The following RAVER2 variants were observed in gnomAD, a reference collection of about 807,000 sequenced individuals.
RAVER2 encodes ribonucleoprotein, PTB binding 2, also known as ribonucleoprotein PTB-binding 2.
RAVER2 carries 46 observed loss-of-function variants against 78.1 expected under a neutral mutation model. The observed-to-expected ratio is 0.59, with a 90% CI of 0.46 to 0.75. RAVER2 has a LOEUF of 0.75. Among genes scored for constraint, RAVER2 ranks in the 30% least tolerant of loss-of-function variants. RAVER2 has a pLI of 0.00. For missense variants in RAVER2, 793 were observed against 837.5 expected, an observed-to-expected ratio of 0.95 and a Z score of 0.66; for synonymous variants, 311 against 313.3, an observed-to-expected ratio of 0.99 and a Z score of 0.08.
At chr1:64,779,271 A>C (rs1252079796) in intron 3 of RAVER2, among the ~76,000 whole-genome samples, 1 of 152,078 alleles carries the variant, frequency 6.6e-6, no homozygotes, top group African/African-American at 2.4e-5. Context: ...TTTTGACCAT[A>C]TCTCCACAAG....
At chr1:64,773,374 C>T (rs1652373774) in intron 2 of RAVER2, among the ~76,000 whole-genome samples, 2 of 152,030 alleles carry the variant, frequency 1.3e-5, no homozygotes, top group African/African-American at 4.8e-5. Flanking sequence ...GTGATGTTCC[C>T]CTCCCTGTGT....
chr1:64,807,388 T>C, exon 9 of RAVER2: 1 of 1,614,122 alleles, frequency 6.2e-7, no homozygotes, highest in East Asian at 2.2e-5. Context: ...TCTTCAGAGC[T>C]TTCCAAACCT....
At chr1:64,753,967 A>G (rs1446060860) in intron 1 of RAVER2, among the ~76,000 whole-genome samples, 1 of 152,162 alleles carries the variant, frequency 6.6e-6, no homozygotes, top group Non-Finnish European at 1.5e-5. Context: ...TGGTACCCAA[A>G]ATTGAGTATG....
intron 6 of RAVER2, 150 bp downstream of exon 6, chr1:64,803,211 C>A: frequency 1.8e-6 from 1 of 554,132 alleles, no homozygotes; most frequent in Non-Finnish European, 3.1e-6. Context: ...AAAATCATAA[C>A]TTATTGAGTA....
At chr1:64,761,063 G>A (rs1450262358) in intron 1 of RAVER2, among the ~76,000 whole-genome samples, 1 of 152,110 alleles carries the variant, frequency 6.6e-6, no homozygotes. Flanking sequence ...TCTTAAGGTT[G>A]TTAGGATTAA....
At chr1:64,816,883 C>T (rs1004120274) in intron 11 of RAVER2, among the ~76,000 whole-genome samples, 14 of 152,170 alleles carry the variant, frequency 9.2e-5, no homozygotes, top group African/African-American at 3.1e-4. Flanking sequence ...CCAATGGCAA[C>T]AAAAGCCAAA....
intron 1 of RAVER2, among the ~76,000 whole-genome samples, chr1:64,757,576 AT>A (rs1437272865): frequency 6.6e-6 from 1 of 152,138 alleles, no homozygotes; most frequent in Non-Finnish European, 1.5e-5. Context: ...GAGGAAATAA[AT>A]TTCTGTTGTT....
In RAVER2 at chr1:64,798,100, C is replaced by T. The variant is rs1221667265; in HGVS notation, c.1106-4876C>T. 3.3e-5 allele frequency among the ~76,000 whole-genome samples: 4 copies of T among 120,626 alleles called. No homozygotes were observed. The East Asian group carries it at 1.0e-3, about 32-fold the overall frequency. The allele number at this position is 120,626 out of a possible 152,430, so 79.1% of individuals were successfully genotyped here. A position where few individuals can be genotyped will look rare whatever the true frequency, so the allele number is the denominator to read the frequency against. On this transcript the variant is annotated intron_variant, in intron 5 of 11. Coordinates refer to ENST00000294428, the Ensembl canonical transcript of RAVER2. Reference sequence around the variant, plus strand: ...CCCCCCACCCCACCACAGTCCCCAGCGTGTGATATTCCCCTTCCTGTGTCC... The same window carrying T: ...CCCCCCACCCCACCACAGTCCCCAGTGTGTGATATTCCCCTTCCTGTGTCC...
At position 64,786,313 on chromosome 1, in the gene RAVER2, A is replaced by G. The variant is rs1032859894; in HGVS notation, c.979-3075A>G. Reference sequence around the variant, plus strand: ...GGAAGACTGTGAACCCTTTCATTCTATGCTCTTCAATTGTTCTTTAATAAT... The same window carrying G: ...GGAAGACTGTGAACCCTTTCATTCTGTGCTCTTCAATTGTTCTTTAATAAT... On this transcript the variant is annotated intron_variant, in intron 4 of 11. Transcript: ENST00000294428. Among the ~76,000 whole-genome samples the G allele has an allele frequency of 2.6e-5, 4 of 152,188 alleles. No individual in the cohort carries two copies. The East Asian group carries it at 5.8e-4, about 22-fold the overall frequency.
At chr1:64,805,098 A>G in exon 8 of RAVER2, 1 of 1,613,090 alleles carries the variant, frequency 6.2e-7, no homozygotes, top group Non-Finnish European at 8.5e-7. Flanking sequence ...ATGGAGAAGC[A>G]CATAAAAGTA....
intron 1 of RAVER2, among the ~76,000 whole-genome samples, chr1:64,746,709 T>A (rs77867130): frequency 0.021 from 3,130 of 152,278 alleles, 112 homozygotes; most frequent in African/African-American, 0.072. Flanking sequence ...CTCTTTCCAT[T>A]CCGCCATGGT....
intron 5 of RAVER2, among the ~76,000 whole-genome samples, chr1:64,796,686 T>C (rs541837267): frequency 6.6e-6 from 1 of 152,226 alleles, no homozygotes; most frequent in South Asian, 2.1e-4. Flanking sequence ...TTATCAGTAT[T>C]ATTGATTTTT....
intron 11 of RAVER2, among the ~76,000 whole-genome samples, chr1:64,818,312 G>A (rs530024930): frequency 5.2e-4 from 79 of 152,202 alleles, no homozygotes; most frequent in African/African-American, 1.8e-3. Flanking sequence ...AAAGATGGGC[G>A]GATCACAAGG....
At chr1:64,786,255 A>T (rs1652777025) in intron 4 of RAVER2, among the ~76,000 whole-genome samples, 1 of 152,118 alleles carries the variant, frequency 6.6e-6, no homozygotes, top group African/African-American at 2.4e-5. Flanking sequence ...CACAAATGTG[A>T]CTAGGTGTGT....
intron 2 of RAVER2, among the ~76,000 whole-genome samples, chr1:64,773,220 G>A (rs918940618): frequency 2.0e-5 from 3 of 152,006 alleles, no homozygotes; most frequent in African/African-American, 7.2e-5. Flanking sequence ...AAAGTTCTGG[G>A]GTAAATGTGC....
At chr1:64,784,247 G>A (rs972116398) in intron 4 of RAVER2, among the ~76,000 whole-genome samples, 1 of 152,092 alleles carries the variant, frequency 6.6e-6, no homozygotes, top group Non-Finnish European at 1.5e-5. Flanking sequence ...TTAGTCGTGT[G>A]CACCTGTTAG....
At chr1:64,821,439 G>A (rs948649495) in intron 11 of RAVER2, among the ~76,000 whole-genome samples, 1 of 152,138 alleles carries the variant, frequency 6.6e-6, no homozygotes, top group Non-Finnish European at 1.5e-5. Context: ...GCAATTGCTT[G>A]TGGTGTCTTG....
At chr1:64,769,513 G>A (rs1360846154) in intron 2 of RAVER2, among the ~76,000 whole-genome samples, 1 of 151,984 alleles carries the variant, frequency 6.6e-6, no homozygotes, top group Admixed American at 6.6e-5. Context: ...TGAGCACAAG[G>A]TAAGATAGTA....
intron 9 of RAVER2, among the ~76,000 whole-genome samples, chr1:64,811,505 A>G (rs1653605253): frequency 1.3e-5 from 2 of 152,180 alleles, no homozygotes; most frequent in Admixed American, 1.3e-4. Flanking sequence ...GAATTGCTTG[A>G]TGTGTACCAC....
Sources: allele counts gnomAD v4.1 joint callset (sites outside exome capture counted in the v4.1 genomes callset), GRCh38; gene constraint gnomAD v4.1.1; transcripts MANE v1.5; gene names NCBI Gene and HGNC (gene_info 2026-07-23, HGNC 2026-07-21).